ZNF611: variants seen among roughly 807,000 people sequenced by gnomAD.
ZNF611 encodes the protein zinc finger protein 611.
Under a neutral mutation model 8.9 loss-of-function variants are expected in ZNF611, and 6 were observed. The observed-to-expected ratio is 0.68, with a 90% CI of 0.37 to 1.34. The LOEUF is 1.34. Among genes scored for constraint, ZNF611 ranks in the 40% most tolerant of loss-of-function variants. The pLI is 0.02. For synonymous variants in ZNF611, 262 were observed against 279.7 expected, an observed-to-expected ratio of 0.94 and a Z score of 0.63; for missense variants, 874 against 841.3, an observed-to-expected ratio of 1.04 and a Z score of -0.48.
intron 3 of ZNF611, among the ~76,000 whole-genome samples, chr19:52,726,602 T>C (rs1463656311): frequency 6.6e-6 from 1 of 151,870 alleles, no homozygotes; most frequent in Middle Eastern, 3.2e-3. Flanking sequence ...GTATTTTTAG[T>C]AGAGAAGGGG....
rs1271299521 is a variant in ZNF611, at chr19:52,712,478, A to C, written c.190+1537T>G. Among the ~76,000 whole-genome samples the C allele has an allele frequency of 2.2e-3, 327 of 148,244 alleles. 3 individuals carry two copies. The highest frequency in any genetic ancestry group is 7.7e-3 in the African/African-American group (311 of 40,554). ...TACTAAAAAAAAAAAAAAAAAAAAA[A>C]AAAAAAAAACATTGGCCGGGCATGG... On this transcript the variant is annotated intron_variant, in intron 5 of 5. Transcript: ENST00000652185.
intron 5 of ZNF611, 132 bp downstream of exon 5, chr19:52,713,883 C>G: frequency 6.6e-7 from 1 of 1,526,086 alleles, no homozygotes; most frequent in Non-Finnish European, 8.7e-7. Context: ...AGGAGCGAAA[C>G]ACCATCTCAA....
At chr19:52,711,032 TAAA>T (rs764453999) in intron 5 of ZNF611, among the ~76,000 whole-genome samples, 6 of 125,054 alleles carry the variant, frequency 4.8e-5, no homozygotes, top group Admixed American at 1.6e-4. Flanking sequence ...AAACTCCATT[TAAA>T]AAAAAAAAAA....
Position 52,715,842 on chromosome 19 carries a change from G to GC in ZNF611, c.52dup (p.Ala18GlyfsTer77). ...GGAATATCACTTCACCTGAGGAAGA[G>GC]CCATGCCTGGCTCCTTTCCTTTCCT... is the stretch of plus-strand genomic sequence containing the variant. On this transcript the variant is annotated frameshift_variant, in exon 4 of 6. Coordinates refer to ENST00000652185, the MANE Select transcript of ZNF611 (RefSeq NM_001161499.2). LOFTEE classifies it high-confidence loss of function. 1.9e-6 allele frequency: 3 copies of GC among 1,612,548 alleles called. No homozygotes were observed. Among genetic ancestry groups the GC allele is most frequent in the Non-Finnish European group, 8.5e-7 (1 of 1,179,810 alleles).
intron 5 of ZNF611, chr19:52,711,129 C>G (rs1417750516): frequency 1.3e-5 from 2 of 151,332 alleles, no homozygotes; most frequent in African/African-American, 4.9e-5. Flanking sequence ...GTCAGGAGTT[C>G]GAGACCAGCC....
Position 52,703,835 on chromosome 19 carries a change from C to T in ZNF611, c.*1102G>A. ...CTCGATCTCCTGACCCCGTGATCTG[C>T]CTGCCTCGGCCTCCCAAAGTGCTGG... On this transcript the variant is annotated 3_prime_UTR_variant, in exon 6 of 6. Coordinates refer to ENST00000652185, the MANE Select transcript of ZNF611 (RefSeq NM_001161499.2). 1 of 153,068 alleles carries T rather than the reference C, an allele frequency of 6.5e-6. No homozygotes were observed. The highest frequency in any genetic ancestry group is 1.5e-5 in the Non-Finnish European group (1 of 68,600). 9.5% of individuals were successfully genotyped at this position (153,068 alleles called of 1,614,324 possible).
chr19:52,705,561 T>A lies in ZNF611; in HGVS notation c.1494A>T (p.Leu498Phe), dbSNP rs776043461. 3 of 1,613,968 alleles carry A rather than the reference T, an allele frequency of 1.9e-6. No individual in the cohort carries two copies. In the African/African-American group the frequency reaches 4.0e-5, roughly 22 times the overall value. The part of the protein sequence containing the change: ...GKTFGQNSDL[L>F]IHKSIHTGEQ... ...CCCCAGTATGAATTGACTTATGAAT[T>A]AAAAGATCTGAATTTTGACCAAAGG... Residue 498 changes from leucine (L) to phenylalanine (F), a missense_variant, in exon 6 of 6, where the codon TTA becomes TTT. By Grantham distance (22) the Leu-to-Phe change is conservative (BLOSUM62 0). Transcript: ENST00000652185.
intron 1 of ZNF611, among the ~76,000 whole-genome samples, chr19:52,730,812 T>C (rs956446764): frequency 6.6e-6 from 1 of 152,076 alleles, no homozygotes; most frequent in Non-Finnish European, 1.5e-5. Context: ...TCGAACCACC[T>C]ACCTCAGGTG....
chr19:52,731,809 T>C (rs1471126468), intron 1 of ZNF611, among the ~76,000 whole-genome samples: 1 of 151,808 alleles, frequency 6.6e-6, no homozygotes, highest in Non-Finnish European at 1.5e-5. Flanking sequence ...CTGTCTCTAC[T>C]AAAAACACAA....
At position 52,705,805 on chromosome 19, in the gene ZNF611, CTA is replaced by C. The variant is rs751785544; in HGVS notation, c.1248_1249del (p.His416GlnfsTer11). ...AGTTTTCTTTGCAGTATGAATTCTTCTATGTCGAGCCAGCTGTGAATGCCACG... is the reference window on the plus strand; with the variant it reads ...AGTTTTCTTTGCAGTATGAATTCTTCTGTCGAGCCAGCTGTGAATGCCACG... On this transcript the variant is annotated frameshift_variant, in exon 6 of 6. Coordinates refer to ENST00000652185, the MANE Select transcript of ZNF611 (RefSeq NM_001161499.2). LOFTEE classifies it low-confidence loss of function (END_TRUNC). 1.8e-4 allele frequency: 284 copies of C among 1,613,620 alleles called. 3 individuals are homozygous for C. The highest frequency in any genetic ancestry group is 1.9e-5 in the Non-Finnish European group (23 of 1,179,882).
chr19:52,705,170 T>A lies in ZNF611; in HGVS notation c.1885A>T (p.Asn629Tyr). ...EKPYKCNECGNTFRHCSSLIY... is the reference protein window; with the variant it reads ...EKPYKCNECGYTFRHCSSLIY... Reference sequence around the variant, plus strand: ...AGGGATGAGCAGTGACGGAAGGTATTGCCACACTCATTACACTTGTAAGGT... The same window carrying A: ...AGGGATGAGCAGTGACGGAAGGTATAGCCACACTCATTACACTTGTAAGGT... Residue 629 changes from asparagine to tyrosine, a missense_variant, in exon 6 of 6, where the codon AAT becomes TAT. Coordinates refer to ENST00000652185, the MANE Select transcript of ZNF611 (RefSeq NM_001161499.2). 6.2e-7 allele frequency: 1 copy of A among 1,614,216 alleles called. No homozygotes were observed. Among genetic ancestry groups the A allele is most frequent in the South Asian group, 1.1e-5 (1 of 91,086 alleles).
chr19:52,719,865 A>T (rs571331628), intron 3 of ZNF611, among the ~76,000 whole-genome samples: 6 of 152,196 alleles, frequency 3.9e-5, no homozygotes, highest in Non-Finnish European at 5.9e-5. Context: ...AGGTCAGCAG[A>T]TAAACACGTG....
intron 3 of ZNF611, among the ~76,000 whole-genome samples, chr19:52,725,488 C>T (rs73578303): frequency 0.047 from 7,211 of 152,230 alleles, 409 homozygotes; most frequent in African/African-American, 0.14. Context: ...GAAAACTATG[C>T]GATAGGAAGT....
chr19:52,728,528 A>G (rs1361559603), intron 3 of ZNF611, among the ~76,000 whole-genome samples: 1 of 152,016 alleles, frequency 6.6e-6, no homozygotes, highest in African/African-American at 2.4e-5. Flanking sequence ...ACAAGAGTGA[A>G]ACTCCATGTC....
chr19:52,725,698 A>C (rs1317411888), intron 3 of ZNF611, among the ~76,000 whole-genome samples: 2 of 152,158 alleles, frequency 1.3e-5, no homozygotes, highest in Non-Finnish European at 2.9e-5. Context: ...GTGCAGACTT[A>C]ATACAAGGCA....
chr19:52,731,399 C>G (rs1273434685), intron 1 of ZNF611, among the ~76,000 whole-genome samples: 1 of 151,834 alleles, frequency 6.6e-6, no homozygotes, highest in African/African-American at 2.4e-5. Flanking sequence ...CAGACGGACT[C>G]TAGCTCTGTT....
At chr19:52,722,422 T>C (rs996771427) in intron 3 of ZNF611, among the ~76,000 whole-genome samples, 7 of 152,188 alleles carry the variant, frequency 4.6e-5, no homozygotes, top group African/African-American at 1.7e-4. Context: ...AAGTATTATG[T>C]AATAACAGAA....
intron 2 of ZNF611, among the ~76,000 whole-genome samples, chr19:52,729,492 C>CAAAAAAAACAAAAAAAAAAA (rs2062411676): frequency 2.4e-5 from 1 of 42,356 alleles, no homozygotes; most frequent in Non-Finnish European, 3.6e-5. Flanking sequence ...GACTCCATCT[C>CAAAAAAAACAAAAAAAAAAA]AAAAAAAAAA....
At position 52,703,883 on chromosome 19, in the gene ZNF611, G is replaced by T. The variant is rs1256183058; in HGVS notation, c.*1054C>A. The T allele has an allele frequency of 6.4e-6, 1 of 155,080 alleles. No homozygotes were observed. Among genetic ancestry groups the T allele is most frequent in the Non-Finnish European group, 1.4e-5 (1 of 70,184 alleles). The allele number at this position is 155,080 out of a possible 1,614,324, so 9.6% of individuals were successfully genotyped here. On this transcript the variant is annotated 3_prime_UTR_variant, in exon 6 of 6. Coordinates refer to ENST00000652185, the MANE Select transcript of ZNF611 (RefSeq NM_001161499.2). ...TGGGATTATAGGCATGAGCCTCCGT[G>T]CCTGGCCTCATATCCCTTTTAAAAA... is the stretch of plus-strand genomic sequence containing the variant.
Sources: allele counts gnomAD v4.1 joint callset (sites outside exome capture counted in the v4.1 genomes callset), GRCh38; gene constraint gnomAD v4.1.1; transcripts MANE v1.5; gene names NCBI Gene and HGNC (gene_info 2026-07-23, HGNC 2026-07-21).